FAF1: variants seen among roughly 807,000 people sequenced by gnomAD.
The protein encoded by FAF1 is FAS-associated factor 1.
Under a neutral mutation model 92.5 loss-of-function variants are expected in FAF1, and 25 were observed. The ratio of observed to expected loss-of-function variants is 0.27; its 90% CI spans 0.20 to 0.38. The LOEUF (loss-of-function observed/expected upper bound fraction) is 0.38, where lower values mean the gene tolerates loss of function less well. Ranked by LOEUF, FAF1 falls within the 10% of genes least tolerant of loss-of-function variation. The pLI, the probability that FAF1 is intolerant of heterozygous loss-of-function variation, is 1.00. For synonymous variants in FAF1, 234 were observed against 273.2 expected, an observed-to-expected ratio of 0.86 and a Z score of 1.42; for missense variants, 636 against 793.3, an observed-to-expected ratio of 0.80 and a Z score of 2.38.
chr1:50,552,280 G>C (rs912991674), intron 13 of FAF1, among the ~76,000 whole-genome samples: 1 of 148,840 alleles, frequency 6.7e-6, no homozygotes, highest in African/African-American at 2.5e-5. Context: ...CTGGGCAACA[G>C]AGTGAGACTC....
At chr1:50,810,093 T>C (rs1029115187) in intron 2 of FAF1, among the ~76,000 whole-genome samples, 1 of 151,982 alleles carries the variant, frequency 6.6e-6, no homozygotes, top group African/African-American at 2.4e-5. Context: ...CCATCTCTAC[T>C]GAAAATACAA....
chr1:50,464,640 G>A (rs1380196201), intron 18 of FAF1, among the ~76,000 whole-genome samples: 1 of 152,226 alleles, frequency 6.6e-6, no homozygotes, highest in African/African-American at 2.4e-5. Flanking sequence ...GTCAAAAGTA[G>A]TGAATTTTGG....
intron 1 of FAF1, among the ~76,000 whole-genome samples, chr1:50,875,759 A>G (rs557145426): frequency 7.2e-5 from 11 of 152,174 alleles, no homozygotes; most frequent in African/African-American, 2.4e-4. Flanking sequence ...CCTCTAATAC[A>G]TACATTCTTA....
At chr1:50,561,311 G>A (rs1012809123) in intron 13 of FAF1, among the ~76,000 whole-genome samples, 43 of 152,156 alleles carry the variant, frequency 2.8e-4, no homozygotes, top group African/African-American at 1.0e-3. Flanking sequence ...GCCAGCAGAA[G>A]ATCAAGTATC....
At chr1:50,909,398 T>A (rs1644866133) in intron 1 of FAF1, among the ~76,000 whole-genome samples, 1 of 152,216 alleles carries the variant, frequency 6.6e-6, no homozygotes, top group African/African-American at 2.4e-5. Flanking sequence ...GTTCTCTGTA[T>A]TTCCTGAATT....
chr1:50,582,768 C>T, intron 11 of FAF1, 69 bp from the exon 12 acceptor site: 1 of 988,316 alleles, frequency 1.0e-6, no homozygotes. Context: ...CAAGTCTAAT[C>T]AATGACTTTT....
At chr1:50,725,628 G>A (rs931202626) in intron 6 of FAF1, among the ~76,000 whole-genome samples, 1 of 151,972 alleles carries the variant, frequency 6.6e-6, no homozygotes, top group Non-Finnish European at 1.5e-5. Flanking sequence ...GCTAATTTTT[G>A]TATTTTTAGT....
intron 8 of FAF1, among the ~76,000 whole-genome samples, chr1:50,619,396 A>T (rs1023087298): frequency 4.0e-5 from 6 of 151,842 alleles, no homozygotes; most frequent in Non-Finnish European, 8.8e-5. Context: ...CAAGTTTAGT[A>T]CTCCCAGAAG....
chr1:50,636,191 C>A (rs1313719438), intron 8 of FAF1, among the ~76,000 whole-genome samples: 1 of 151,954 alleles, frequency 6.6e-6, no homozygotes, highest in Non-Finnish European at 1.5e-5. Flanking sequence ...GTAAAATGCA[C>A]CCATTTTAAA....
chr1:50,870,380 G>A (rs972355875), intron 1 of FAF1, among the ~76,000 whole-genome samples: 17 of 152,156 alleles, frequency 1.1e-4, no homozygotes, highest in African/African-American at 2.2e-4. Context: ...TCACTTGAAC[G>A]CGCGAGGCAC....
At chr1:50,560,225 T>C (rs1649836581) in intron 13 of FAF1, among the ~76,000 whole-genome samples, 1 of 152,200 alleles carries the variant, frequency 6.6e-6, no homozygotes, top group South Asian at 2.1e-4. Flanking sequence ...ATTACTGAGA[T>C]GGAAAGTACA....
chr1:50,620,613 G>A (rs1653148950), intron 8 of FAF1, among the ~76,000 whole-genome samples: 1 of 152,174 alleles, frequency 6.6e-6, no homozygotes, highest in African/African-American at 2.4e-5. Flanking sequence ...TTGTCTGGAG[G>A]TAAGGGGACA....
At chr1:50,604,192 C>G (rs1452653742) in intron 8 of FAF1, among the ~76,000 whole-genome samples, 1 of 152,150 alleles carries the variant, frequency 6.6e-6, no homozygotes, top group East Asian at 1.9e-4. Context: ...GATCTTGAAG[C>G]CTTAGCTGAG....
At chr1:50,953,302 C>T (rs1404954733) in intron 1 of FAF1, among the ~76,000 whole-genome samples, 3 of 152,062 alleles carry the variant, frequency 2.0e-5, no homozygotes, top group Non-Finnish European at 4.4e-5. Flanking sequence ...GACCCTTGTT[C>T]ACATGTTTAT....
chr1:50,656,921 A>G (rs893063915), intron 7 of FAF1, among the ~76,000 whole-genome samples: 3 of 152,100 alleles, frequency 2.0e-5, no homozygotes, highest in Non-Finnish European at 4.4e-5. Context: ...ATAAAATAAA[A>G]GAAGTGTTAC....
chr1:50,959,691 TG>T, intron 1 of FAF1, 75 bp downstream of exon 1: 2 of 1,327,068 alleles, frequency 1.5e-6, no homozygotes, highest in South Asian at 1.2e-5. Context: ...GTTCAAACGC[TG>T]GGAAGAAGAC....
At chr1:50,658,177 C>A (rs916630602) in intron 7 of FAF1, among the ~76,000 whole-genome samples, 6 of 151,670 alleles carry the variant, frequency 4.0e-5, no homozygotes, top group Non-Finnish European at 7.4e-5. Flanking sequence ...GGCTTCAAGA[C>A]AAAATAATTT....
At chr1:50,494,929 AGTT>A (rs1239214934) in intron 15 of FAF1, among the ~76,000 whole-genome samples, 1 of 152,168 alleles carries the variant, frequency 6.6e-6, no homozygotes, top group East Asian at 1.9e-4. Flanking sequence ...TATTATGATG[AGTT>A]GTTAAGAAGT....
intron 2 of FAF1, among the ~76,000 whole-genome samples, chr1:50,835,691 T>A (rs1644194941): frequency 6.6e-6 from 1 of 151,490 alleles, no homozygotes; most frequent in African/African-American, 2.4e-5. Context: ...AAGAATTTAA[T>A]AAGATTCATG....
Sources: gnomAD v4.1 joint callset for allele counts (sites outside exome capture counted in the v4.1 genomes callset) on GRCh38, gnomAD v4.1.1 for gene constraint, MANE v1.5 for transcripts, NCBI Gene and HGNC (gene_info 2026-07-23, HGNC 2026-07-21) for gene names.